The following MSI2 variants were observed in gnomAD, a reference collection of about 807,000 sequenced individuals.
MSI2 encodes musashi RNA binding protein 2.
In MSI2, 17 loss-of-function variants were observed where a neutral mutation model predicts 45.6. That is an observed-to-expected ratio of 0.37 (90% CI 0.26 to 0.56). The LOEUF is 0.56. Among genes scored for constraint, MSI2 ranks in the 20% least tolerant of loss-of-function variants. The probability of loss-of-function intolerance (pLI) is 0.77; values close to 1 mark genes in which losing one functional copy is unlikely to be tolerated. For synonymous variants in MSI2, 156 were observed against 158.2 expected (o/e 0.99, Z 0.11); for missense variants, 293 against 444.2 (o/e 0.66, Z 3.06).
At chr17:57,322,358 G>A (rs975004572) in intron 5 of MSI2, among the ~76,000 whole-genome samples, 10 of 152,122 alleles carry the variant, frequency 6.6e-5, no homozygotes, top group African/African-American at 2.4e-4. Context: ...CTGATTAGGA[G>A]AACTTGAATG....
chr17:57,531,525 A>T (rs2086821999), intron 7 of MSI2, among the ~76,000 whole-genome samples: 1 of 152,206 alleles, frequency 6.6e-6, no homozygotes, highest in South Asian at 2.1e-4. Context: ...TGCATTTGTT[A>T]AAAAGAGCAC....
chr17:57,572,285 T>A (rs1598411056), intron 7 of MSI2, among the ~76,000 whole-genome samples: 1 of 152,246 alleles, frequency 6.6e-6, no homozygotes, highest in African/African-American at 2.4e-5. Flanking sequence ...AGCTTCACCC[T>A]GTTCCAGAAA....
At chr17:57,689,471 C>G (rs1018718819), downstream of MSI2, among the ~76,000 whole-genome samples, 2 of 152,156 alleles carry the variant, frequency 1.3e-5, no homozygotes, top group Admixed American at 1.3e-4. Flanking sequence ...CTAAATACAA[C>G]AGTTTCAAGG....
At chr17:57,443,659 C>G (rs1437771673) in intron 6 of MSI2, among the ~76,000 whole-genome samples, 1 of 152,140 alleles carries the variant, frequency 6.6e-6, no homozygotes, top group African/African-American at 2.4e-5. Context: ...CTCCCTGCCC[C>G]CTGAATGTGT....
At chr17:57,269,205 G>T (rs892322947) in intron 5 of MSI2, among the ~76,000 whole-genome samples, 1 of 152,184 alleles carries the variant, frequency 6.6e-6, no homozygotes, top group African/African-American at 2.4e-5. Context: ...GTTGCAAAGG[G>T]TATGTGCTGC....
chr17:57,545,810 C>T (rs934038226), intron 7 of MSI2, among the ~76,000 whole-genome samples: 1 of 152,098 alleles, frequency 6.6e-6, no homozygotes, highest in African/African-American at 2.4e-5. Context: ...TTCCCAAGTG[C>T]CTGGCAGAGA....
chr17:57,699,182 A>AGAGAGAGAGAGAGAGTGT, the MSI2 span, among the ~76,000 whole-genome samples: 9 of 25,082 alleles, frequency 3.6e-4, 1 homozygote, highest in Admixed American at 2.8e-3. Flanking sequence ...AGAGAGAGAG[A>AGAGAGAGAGAGAGAGTGT]GTGTGTGTGT....
chr17:57,259,558 TCTC>T (rs991344606), intron 4 of MSI2, among the ~76,000 whole-genome samples: 5 of 152,158 alleles, frequency 3.3e-5, no homozygotes, highest in Admixed American at 3.3e-4. Flanking sequence ...ATGCGTGCCT[TCTC>T]CTAAGAAAGA....
chr17:57,594,933 G>T (rs1188078507), intron 7 of MSI2, among the ~76,000 whole-genome samples: 1 of 152,238 alleles, frequency 6.6e-6, no homozygotes, highest in Non-Finnish European at 1.5e-5. Context: ...TATTTGGCGG[G>T]TGGTGGTAGC....
At chr17:57,272,301 G>A (rs747313143) in intron 5 of MSI2, among the ~76,000 whole-genome samples, 1 of 152,192 alleles carries the variant, frequency 6.6e-6, no homozygotes, top group East Asian at 1.9e-4. Context: ...TCAACTTAGC[G>A]GCATTTTGTT....
At chr17:57,265,406 G>T (rs774287073) in intron 5 of MSI2, 3 of 152,088 alleles carry the variant, frequency 2.0e-5, no homozygotes, top group Non-Finnish European at 4.4e-5. Flanking sequence ...ATTCCGTGGA[G>T]GTGTTAAAAC....
chr17:57,455,509 C>T (rs2085096331), intron 6 of MSI2, among the ~76,000 whole-genome samples: 2 of 152,098 alleles, frequency 1.3e-5, no homozygotes, highest in Admixed American at 6.6e-5. Flanking sequence ...TTCCTAGGAC[C>T]GTTATGAATT....
At position 57,468,385 on chromosome 17, in the gene MSI2, G is replaced by A. The variant is rs189635640; in HGVS notation, c.406-61291G>A. Among the ~76,000 whole-genome samples, 171 of 151,914 alleles carry A rather than the reference G, an allele frequency of 1.1e-3. 1 individual carries two copies. Among genetic ancestry groups the A allele is most frequent in the Admixed American group, 0.011 (165 of 15,250 alleles). ...ATACAAAAAAAATTAGCCGGGTGTG[G>A]TGGCGGGCGCCTGTAGTCCCAGCTG... On this transcript the variant is annotated intron_variant, in intron 6 of 13. Coordinates refer to ENST00000284073, the MANE Select transcript of MSI2 (RefSeq NM_138962.4).
At chr17:57,645,603 C>CT (rs59505333) in intron 10 of MSI2, among the ~76,000 whole-genome samples, 113 of 144,464 alleles carry the variant, frequency 7.8e-4, no homozygotes, top group East Asian at 3.8e-3. Context: ...GCCTGGCTAG[C>CT]TTTTTTTTTT....
chr17:57,521,059 C>G (rs1243012389), intron 6 of MSI2, among the ~76,000 whole-genome samples: 2 of 152,160 alleles, frequency 1.3e-5, no homozygotes, highest in African/African-American at 2.4e-5. Context: ...TGGATGCAAA[C>G]TAGCATTTTT....
chr17:57,556,175 T>C (rs1438688943), intron 7 of MSI2, among the ~76,000 whole-genome samples: 1 of 152,210 alleles, frequency 6.6e-6, no homozygotes, highest in Non-Finnish European at 1.5e-5. Flanking sequence ...AGTTTTCTTA[T>C]TGAATTTGGG....
chr17:57,591,698 G>A (rs186951852), intron 7 of MSI2, among the ~76,000 whole-genome samples: 101 of 148,584 alleles, frequency 6.8e-4, no homozygotes, highest in African/African-American at 2.2e-3. Context: ...CTTTACTCTA[G>A]CCTGAGTGAC....
intron 9 of MSI2, 109 bp downstream of exon 9, chr17:57,616,193 C>T (rs898654507): frequency 1.4e-6 from 1 of 737,200 alleles, no homozygotes; most frequent in African/African-American, 1.8e-5. Flanking sequence ...CTTTCTAAGC[C>T]TCAGTTTCCT....
rs986543474 is a variant in MSI2 at position 57,630,833 on chromosome 17, T to C, written c.727+3530T>C. 4 of 152,288 alleles carry C rather than the reference T, an allele frequency of 2.6e-5. No homozygotes were observed. In the East Asian group the frequency reaches 5.8e-4, roughly 22 times the overall value. 9.4% of individuals were successfully genotyped at this position (152,288 alleles called of 1,614,324 possible). On this transcript the variant is annotated intron_variant, in intron 10 of 13. Transcript: ENST00000284073. ...CCAGGGCTACAGAGAAGCTTCTGGA[T>C]GCCCTGACTTCCATCTGTCACCTCA...
Sources: gnomAD v4.1 joint callset for allele counts (sites outside exome capture counted in the v4.1 genomes callset) on GRCh38, gnomAD v4.1.1 for gene constraint, MANE v1.5 for transcripts, NCBI Gene and HGNC (gene_info 2026-07-23, HGNC 2026-07-21) for gene names.